Variants in DIAPH3 observed in about 807,000 individuals in gnomAD.
DIAPH3 encodes the protein protein diaphanous homolog 3.
Under a neutral mutation model 144.3 loss-of-function variants are expected in DIAPH3, and 117 were observed. That is an observed-to-expected ratio of 0.81 (90% confidence interval 0.70 to 0.95). DIAPH3 has a LOEUF of 0.95. Ranked by LOEUF, DIAPH3 falls within the 40% of genes least tolerant of loss-of-function variation. The probability of loss-of-function intolerance (pLI) is 0.00; values close to 1 mark genes in which losing one functional copy is unlikely to be tolerated. For missense variants in DIAPH3, 1,421 were observed against 1,412.7 expected (o/e 1.01, Z -0.09); for synonymous variants, 519 against 488.9 (o/e 1.06, Z -0.81).
intron 15 of DIAPH3, among the ~76,000 whole-genome samples, chr13:59,973,960 A>C (rs2050529077): frequency 6.6e-6 from 1 of 152,120 alleles, no homozygotes; most frequent in Non-Finnish European, 1.5e-5. Context: ...GCTAGAGGTT[A>C]TCTTTTACTG....
intron 4 of DIAPH3, among the ~76,000 whole-genome samples, chr13:60,092,359 G>C (rs2057965347): frequency 6.6e-6 from 1 of 152,074 alleles, no homozygotes; most frequent in African/African-American, 2.4e-5. Flanking sequence ...TCTATATAGA[G>C]AGCTAAAAAA....
chr13:60,098,503 G>T (rs1010550040), intron 3 of DIAPH3, among the ~76,000 whole-genome samples: 5 of 151,962 alleles, frequency 3.3e-5, no homozygotes, highest in Non-Finnish European at 5.9e-5. Flanking sequence ...CTGGGAGGGG[G>T]TACTAAAAGT....
At chr13:59,685,507 G>A (rs2033168318) in intron 27 of DIAPH3, among the ~76,000 whole-genome samples, 1 of 152,122 alleles carries the variant, frequency 6.6e-6, no homozygotes, top group Admixed American at 6.6e-5. Flanking sequence ...ATCCTCCTTT[G>A]AGGTGGTTAT....
chr13:59,877,595 C>T (rs1191916941), intron 21 of DIAPH3, among the ~76,000 whole-genome samples: 1 of 152,078 alleles, frequency 6.6e-6, no homozygotes, highest in African/African-American at 2.4e-5. Flanking sequence ...TTCATGGCAA[C>T]AGTACTAAAC....
intron 25 of DIAPH3, among the ~76,000 whole-genome samples, chr13:59,802,486 A>G (rs967916182): frequency 6.7e-6 from 1 of 150,150 alleles, no homozygotes. Flanking sequence ...TTTTATCAAA[A>G]TAACAATAAC....
intron 1 of DIAPH3, among the ~76,000 whole-genome samples, chr13:60,150,709 G>A (rs1311708937): frequency 6.6e-6 from 1 of 152,228 alleles, no homozygotes; most frequent in South Asian, 2.1e-4. Context: ...GTTTCCACCA[G>A]GATGCAGGAA....
At chr13:59,739,529 C>G (rs1052907292) in intron 27 of DIAPH3, among the ~76,000 whole-genome samples, 1 of 152,122 alleles carries the variant, frequency 6.6e-6, no homozygotes, top group East Asian at 1.9e-4. Flanking sequence ...GTATTCAGGT[C>G]TACTTCAGTA....
chr13:59,963,056 C>T (rs2049851754), intron 17 of DIAPH3, among the ~76,000 whole-genome samples: 2 of 152,034 alleles, frequency 1.3e-5, no homozygotes, highest in Non-Finnish European at 2.9e-5. Context: ...TATTTGCAGA[C>T]CCCAAGTTAA....
At position 59,851,961 on chromosome 13, in the gene DIAPH3, T is replaced by C. The variant is rs1405615759; in HGVS notation, c.2737+9446A>G. Among the ~76,000 whole-genome samples, 35 of 152,154 alleles carry C rather than the reference T, an allele frequency of 2.3e-4. 1 individual carries two copies. On this transcript the variant is annotated intron_variant, in intron 22 of 27. Coordinates refer to ENST00000400324, the MANE Select transcript of DIAPH3 (RefSeq NM_001042517.2). ...TAAACTAACTTTATTTTTTTTTTTCTGTCACTCACAGTCAAGCCTAATCCT... is the reference window on the plus strand; with the variant it reads ...TAAACTAACTTTATTTTTTTTTTTCCGTCACTCACAGTCAAGCCTAATCCT...
chr13:60,126,817 T>C lies in DIAPH3; in HGVS notation c.213+6140A>G, dbSNP rs566915351. ...AAAATAACCCATGGGTCAAAGAAAA[T>C]AAGAAATTTAAAAATATTCAATTCA... On this transcript the variant is annotated intron_variant, in intron 2 of 27. Coordinates refer to ENST00000400324, the MANE Select transcript of DIAPH3 (RefSeq NM_001042517.2). Among the ~76,000 whole-genome samples, 9 of 151,946 alleles carry C rather than the reference T, an allele frequency of 5.9e-5. No homozygotes were observed. The South Asian group carries it at 1.9e-3, about 32-fold the overall frequency.
chr13:60,016,233 T>C lies in DIAPH3; in HGVS notation c.627-88A>G. 2.6e-6 allele frequency: 3 copies of C among 1,173,938 alleles called. No individual in the cohort carries two copies. The South Asian group carries it at 3.9e-5, about 15-fold the overall frequency. The allele number at this position is 1,173,938 out of a possible 1,614,324, so 72.7% of individuals were successfully genotyped here. A position where few individuals can be genotyped will look rare whatever the true frequency, so the allele number is the denominator to read the frequency against. ...ATACCTACAAGTATTTTATATTTGC[T>C]ATATTCCTAATCGTAACTAAAACAT... is the stretch of plus-strand genomic sequence containing the variant. On this transcript the variant is annotated intron_variant, in intron 5 of 27. Coordinates refer to ENST00000400324, the MANE Select transcript of DIAPH3 (RefSeq NM_001042517.2).
intron 4 of DIAPH3, among the ~76,000 whole-genome samples, chr13:60,091,405 C>T (rs2057926878): frequency 6.6e-6 from 1 of 152,160 alleles, no homozygotes; most frequent in African/African-American, 2.4e-5. Context: ...TCAAGCAATC[C>T]TCCCACCTCA....
chr13:60,060,438 TTC>T (rs1438998565), intron 4 of DIAPH3, among the ~76,000 whole-genome samples: 1 of 152,098 alleles, frequency 6.6e-6, no homozygotes, highest in African/African-American at 2.4e-5. Context: ...TAAGCAAATA[TTC>T]TCTTTTATGA....
At chr13:59,889,394 C>T (rs73196155) in intron 20 of DIAPH3, among the ~76,000 whole-genome samples, 8,476 of 152,038 alleles carry the variant, frequency 0.056, 289 homozygotes, top group Admixed American at 0.099. Flanking sequence ...TACTATTAAA[C>T]CCACATACTA....
intron 25 of DIAPH3, among the ~76,000 whole-genome samples, chr13:59,796,977 G>A (rs9563763): frequency 0.048 from 7,149 of 149,674 alleles, 358 homozygotes; most frequent in East Asian, 0.29. Flanking sequence ...ATGGTCTGAA[G>A]CTAACTGGCC....
rs549116210 is a variant in DIAPH3, at chr13:60,026,665, C to A, written c.627-10520G>T. On this transcript the variant is annotated intron_variant, in intron 5 of 27. Transcript: ENST00000400324. ...TTATTTGATTATTACATGCTTTAAG[C>A]AACTTTTTTAACCAACCAACCAACG... 1.4e-4 allele frequency among the ~76,000 whole-genome samples: 22 copies of A among 152,158 alleles called. No individual in the cohort carries two copies. In the South Asian group the frequency reaches 4.4e-3, roughly 30 times the overall value.
intron 27 of DIAPH3, among the ~76,000 whole-genome samples, chr13:59,760,341 C>T (rs2037512478): frequency 6.6e-6 from 1 of 152,164 alleles, no homozygotes. Flanking sequence ...AAACTCTGTT[C>T]ATGGTTTATC....
At chr13:60,130,220 G>A (rs1304268311) in intron 2 of DIAPH3, among the ~76,000 whole-genome samples, 1 of 152,108 alleles carries the variant, frequency 6.6e-6, no homozygotes, top group African/African-American at 2.4e-5. Flanking sequence ...TTACTCTTTG[G>A]TGTCTCCTGT....
chr13:59,915,347 T>G (rs572650966), intron 19 of DIAPH3, among the ~76,000 whole-genome samples: 15 of 152,204 alleles, frequency 9.9e-5, no homozygotes, highest in Middle Eastern at 3.4e-3. Flanking sequence ...AGGCAAAACT[T>G]AGAACAACTT....
Sources: gnomAD v4.1 joint callset for allele counts (sites outside exome capture counted in the v4.1 genomes callset) on GRCh38, gnomAD v4.1.1 for gene constraint, MANE v1.5 for transcripts, NCBI Gene and HGNC (gene_info 2026-07-23, HGNC 2026-07-21) for gene names.